The following ARHGAP24 variants were observed in gnomAD, a reference collection of about 807,000 sequenced individuals.
ARHGAP24 encodes the protein Rho GTPase activating protein 24, also known as rho GTPase-activating protein 24.
A neutral mutation model predicts 76.4 loss-of-function variants in ARHGAP24; 50 were observed. That is an observed-to-expected ratio of 0.65 (90% CI 0.52 to 0.83). The LOEUF is 0.83. Among genes scored for constraint, ARHGAP24 ranks in the 40% least tolerant of loss-of-function variants. The pLI is 0.00. For missense variants in ARHGAP24, 930 were observed against 914.2 expected (o/e 1.02, Z -0.22); for synonymous variants, 345 against 323.3 (o/e 1.07, Z -0.72).
chr4:85,991,212 A>T (rs991271557), intron 8 of ARHGAP24: 2 of 152,174 alleles, frequency 1.3e-5, no homozygotes, highest in Non-Finnish European at 2.9e-5. Context: ...CACATTTCTT[A>T]CAAAGTGTAA....
chr4:85,725,598 C>T (rs1185767027), intron 3 of ARHGAP24, among the ~76,000 whole-genome samples: 1 of 152,200 alleles, frequency 6.6e-6, no homozygotes, highest in Non-Finnish European at 1.5e-5. Flanking sequence ...ACTGACTGGT[C>T]GTTACAGACT....
chr4:85,838,325 C>G (rs1222257000), intron 3 of ARHGAP24, among the ~76,000 whole-genome samples: 1 of 152,124 alleles, frequency 6.6e-6, no homozygotes, highest in Non-Finnish European at 1.5e-5. Flanking sequence ...TAGCCGGGCA[C>G]GGTGGCTCAC....
intron 2 of ARHGAP24, among the ~76,000 whole-genome samples, chr4:85,679,066 C>A (rs1723104113): frequency 6.6e-6 from 1 of 152,072 alleles, no homozygotes; most frequent in Non-Finnish European, 1.5e-5. Context: ...CACTTTTATA[C>A]CATCTTGAGG....
intron 2 of ARHGAP24, among the ~76,000 whole-genome samples, chr4:85,695,342 C>T (rs1017402382): frequency 1.3e-5 from 2 of 152,332 alleles, no homozygotes; most frequent in Non-Finnish European, 2.9e-5. Flanking sequence ...GGTTTGCCTT[C>T]ACCTAACATG....
intron 3 of ARHGAP24, among the ~76,000 whole-genome samples, chr4:85,921,118 G>T (rs768659473): frequency 6.6e-6 from 1 of 152,124 alleles, no homozygotes; most frequent in African/African-American, 2.4e-5. Flanking sequence ...TGAAGACATG[G>T]AATCAAACCA....
chr4:85,514,426 A>C (rs1724406639), intron 1 of ARHGAP24, among the ~76,000 whole-genome samples: 1 of 152,066 alleles, frequency 6.6e-6, no homozygotes, highest in South Asian at 2.1e-4. Context: ...TTATGATTTT[A>C]TTTATACATA....
At chr4:85,641,066 T>G (rs1017440482) in intron 2 of ARHGAP24, among the ~76,000 whole-genome samples, 1 of 152,120 alleles carries the variant, frequency 6.6e-6, no homozygotes, top group African/African-American at 2.4e-5. Context: ...TTTAAGTTAT[T>G]AAAGAAAGTT....
chr4:85,843,019 G>T (rs911213043), intron 3 of ARHGAP24, among the ~76,000 whole-genome samples: 5 of 152,134 alleles, frequency 3.3e-5, no homozygotes, highest in African/African-American at 1.2e-4. Context: ...TATTGATAAT[G>T]CTACAGATAC....
intron 3 of ARHGAP24, among the ~76,000 whole-genome samples, chr4:85,852,883 G>T (rs1019107149): frequency 1.3e-5 from 2 of 152,222 alleles, no homozygotes; most frequent in African/African-American, 4.8e-5. Flanking sequence ...TGAGATGTCA[G>T]TCAGCCCCCA....
chr4:85,573,359 T>C (rs986992248), intron 2 of ARHGAP24, among the ~76,000 whole-genome samples: 3 of 152,224 alleles, frequency 2.0e-5, no homozygotes, highest in Non-Finnish European at 4.4e-5. Flanking sequence ...ACATTCTATA[T>C]TGTTCTATGA....
chr4:85,716,679 G>T (rs911314267), intron 2 of ARHGAP24, among the ~76,000 whole-genome samples: 1 of 151,976 alleles, frequency 6.6e-6, no homozygotes, highest in Non-Finnish European at 1.5e-5. Context: ...TGATAGCTTT[G>T]TCACAAAAGG....
chr4:85,662,780 C>T (rs141772381), intron 2 of ARHGAP24, among the ~76,000 whole-genome samples: 3 of 152,102 alleles, frequency 2.0e-5, no homozygotes, highest in Admixed American at 6.6e-5. Flanking sequence ...AGGGAATCCT[C>T]TCCCCATTGC....
chr4:85,992,641 T>G (rs1002719888), intron 8 of ARHGAP24, among the ~76,000 whole-genome samples: 3 of 152,178 alleles, frequency 2.0e-5, no homozygotes, highest in Non-Finnish European at 4.4e-5. Context: ...TAAAATAGCA[T>G]TGAATACACA....
intron 1 of ARHGAP24, among the ~76,000 whole-genome samples, chr4:85,504,967 C>G (rs1723985460): frequency 6.6e-6 from 1 of 152,048 alleles, no homozygotes; most frequent in Non-Finnish European, 1.5e-5. Flanking sequence ...TTTATTTTCC[C>G]TTCACTCATG....
At chr4:85,809,130 C>A (rs1728908507) in intron 3 of ARHGAP24, among the ~76,000 whole-genome samples, 1 of 152,114 alleles carries the variant, frequency 6.6e-6, no homozygotes, top group Non-Finnish European at 1.5e-5. Context: ...GATAGAAGGG[C>A]TTTCTATTAA....
intron 5 of ARHGAP24, among the ~76,000 whole-genome samples, chr4:85,963,390 A>G (rs1291284618): frequency 1.3e-5 from 2 of 152,090 alleles, no homozygotes; most frequent in African/African-American, 4.8e-5. Flanking sequence ...CATTTTAATA[A>G]CTGTGTTGAT....
intron 7 of ARHGAP24, among the ~76,000 whole-genome samples, chr4:85,976,018 G>A (rs757070832): frequency 2.3e-4 from 35 of 152,264 alleles, no homozygotes; most frequent in Middle Eastern, 6.8e-3. Flanking sequence ...TATTAATATG[G>A]AAGCTTATAA....
Position 85,672,556 on chromosome 4 carries a change from C to T in ARHGAP24, c.181-49329C>T, listed in dbSNP as rs562566038. On this transcript the variant is annotated intron_variant, in intron 2 of 9. Transcript: ENST00000395184. ...CAGTTGAGTTAAGGCAGAATCTTCCCATTACCAGCGTGATTATTACTCTTC... is the reference window on the plus strand; with the variant it reads ...CAGTTGAGTTAAGGCAGAATCTTCCTATTACCAGCGTGATTATTACTCTTC... Among the ~76,000 whole-genome samples, 44 of 152,266 alleles carry T rather than the reference C, an allele frequency of 2.9e-4. No homozygotes were observed. In the South Asian group the frequency reaches 8.9e-3, roughly 31 times the overall value.
chr4:85,628,757 A>G (rs916282091), intron 2 of ARHGAP24, among the ~76,000 whole-genome samples: 3 of 152,150 alleles, frequency 2.0e-5, no homozygotes, highest in Non-Finnish European at 2.9e-5. Flanking sequence ...CTTTGTTTCT[A>G]TGACAGTTTT....
Sources: allele counts gnomAD v4.1 joint callset (sites outside exome capture counted in the v4.1 genomes callset), GRCh38; gene constraint gnomAD v4.1.1; transcripts MANE v1.5; gene names NCBI Gene and HGNC (gene_info 2026-07-23, HGNC 2026-07-21).